The following ARHGAP24 variants were observed in gnomAD, a reference collection of about 807,000 sequenced individuals.
ARHGAP24 encodes the protein Rho GTPase activating protein 24.
ARHGAP24 carries 50 observed loss-of-function variants against 76.4 expected under a neutral mutation model. The observed-to-expected ratio is 0.65, with a 90% confidence interval of 0.52 to 0.83. ARHGAP24 has a LOEUF of 0.83. ARHGAP24 is among the 40% of genes least tolerant of loss of function. The probability of loss-of-function intolerance (pLI) is 0.00; values close to 1 mark genes in which losing one functional copy is unlikely to be tolerated. For missense variants in ARHGAP24, 930 were observed against 914.2 expected (o/e 1.02, Z -0.22); for synonymous variants, 345 against 323.3 (o/e 1.07, Z -0.72).
chr4:85,961,992 G>T (rs759743480), intron 5 of ARHGAP24, among the ~76,000 whole-genome samples: 1 of 152,076 alleles, frequency 6.6e-6, no homozygotes, highest in African/African-American at 2.4e-5. Context: ...AAACATGTAG[G>T]CAGGCAGAAT....
chr4:85,487,766 T>TAATATATATTTATTATATATTATATA (rs1297479229), intron 1 of ARHGAP24, among the ~76,000 whole-genome samples: 3 of 105,878 alleles, frequency 2.8e-5, no homozygotes, highest in South Asian at 4.9e-4. Flanking sequence ...ATATATTATA[T>TAATATATATTTATTATATATTATATA]AATATATATT....
chr4:85,691,068 A>G (rs1723636712), intron 2 of ARHGAP24, among the ~76,000 whole-genome samples: 2 of 152,006 alleles, frequency 1.3e-5, no homozygotes, highest in Non-Finnish European at 2.9e-5. Flanking sequence ...AGCTTCAAAT[A>G]ATTTTTTGAT....
intron 2 of ARHGAP24, among the ~76,000 whole-genome samples, chr4:85,656,210 A>T (rs937633762): frequency 6.6e-6 from 1 of 152,194 alleles, no homozygotes; most frequent in Non-Finnish European, 1.5e-5. Context: ...AAATGTATTT[A>T]AAAACACTGG....
chr4:85,610,429 G>A (rs912671415), intron 2 of ARHGAP24, among the ~76,000 whole-genome samples: 4 of 109,622 alleles, frequency 3.6e-5, no homozygotes, highest in Non-Finnish European at 5.0e-5. Flanking sequence ...GGGCCACAGA[G>A]TGAGGAGTGA....
chr4:85,607,391 GGA>G (rs1488706657), intron 2 of ARHGAP24, among the ~76,000 whole-genome samples: 2 of 151,516 alleles, frequency 1.3e-5, no homozygotes, highest in Non-Finnish European at 2.9e-5. Flanking sequence ...AGGGAGGAAG[GGA>G]GAGAGAGAAA....
chr4:85,725,081 A>C (rs182683927), intron 3 of ARHGAP24, among the ~76,000 whole-genome samples: 231 of 152,344 alleles, frequency 1.5e-3, no homozygotes, highest in Middle Eastern at 3.4e-3. Context: ...TGTTTTAAAA[A>C]AATAAAGAGT....
rs185532872 is a variant in ARHGAP24, at chr4:85,748,344, A to G, written c.268+26372A>G. On this transcript the variant is annotated intron_variant, in intron 3 of 9. Coordinates refer to ENST00000395184, the MANE Select transcript of ARHGAP24 (RefSeq NM_001025616.3). The stretch of plus-strand genomic sequence containing the variant: ...TAACTCCCTTTCTCATACATATGCC[A>G]TGCTGGGGTTAAGAAAATATTCTGA... Among the ~76,000 whole-genome samples, 169 of 152,378 alleles carry G rather than the reference A, an allele frequency of 1.1e-3. 1 individual carries two copies. Among genetic ancestry groups the G allele is most frequent in the African/African-American group, 4.0e-3 (165 of 41,588 alleles).
At chr4:85,912,637 T>C (rs529706787) in intron 3 of ARHGAP24, among the ~76,000 whole-genome samples, 16 of 152,232 alleles carry the variant, frequency 1.1e-4, no homozygotes, top group Non-Finnish European at 2.2e-4. Context: ...TAAAATTGGG[T>C]AATTAGCATC....
chr4:85,998,404 T>C (rs1447649561), intron 9 of ARHGAP24, among the ~76,000 whole-genome samples: 1 of 152,134 alleles, frequency 6.6e-6, no homozygotes, highest in African/African-American at 2.4e-5. Flanking sequence ...CCATCTTCCT[T>C]TGATTAGTAA....
chr4:85,921,915 CCCA>C (rs1320032706), intron 3 of ARHGAP24, among the ~76,000 whole-genome samples: 1 of 152,080 alleles, frequency 6.6e-6, no homozygotes, highest in Non-Finnish European at 1.5e-5. Flanking sequence ...ACCATCCCCC[CCCA>C]CCACCCCATT....
chr4:85,930,013 C>A (rs560326211), intron 4 of ARHGAP24, among the ~76,000 whole-genome samples: 1 of 152,176 alleles, frequency 6.6e-6, no homozygotes, highest in East Asian at 1.9e-4. Flanking sequence ...TGTACCGTAG[C>A]GTGGCATTCT....
intron 3 of ARHGAP24, among the ~76,000 whole-genome samples, chr4:85,760,136 A>G (rs867733720): frequency 6.6e-6 from 1 of 152,248 alleles, no homozygotes; most frequent in South Asian, 2.1e-4. Flanking sequence ...TAAACAACAC[A>G]AAGTTATTTC....
intron 6 of ARHGAP24, among the ~76,000 whole-genome samples, chr4:85,974,504 A>C (rs750497633): frequency 3.9e-5 from 6 of 152,208 alleles, no homozygotes; most frequent in Non-Finnish European, 8.8e-5. Flanking sequence ...GACTTTTGTC[A>C]GTAGATGTAT....
intron 3 of ARHGAP24, among the ~76,000 whole-genome samples, chr4:85,779,429 T>A (rs746698455): frequency 6.6e-6 from 1 of 152,196 alleles, no homozygotes; most frequent in Non-Finnish European, 1.5e-5. Context: ...CTAGGCACTT[T>A]AACTGATTCA....
chr4:85,894,098 AT>A (rs1324821531), intron 3 of ARHGAP24, among the ~76,000 whole-genome samples: 40 of 110,616 alleles, frequency 3.6e-4, no homozygotes, highest in African/African-American at 8.7e-4. Context: ...TTAGAGTATA[AT>A]AAAAAAAAAA....
chr4:85,699,462 TGTG>T (rs1430846412), intron 2 of ARHGAP24, among the ~76,000 whole-genome samples: 3 of 152,040 alleles, frequency 2.0e-5, no homozygotes, highest in Non-Finnish European at 2.9e-5. Context: ...GTTAGCCAGA[TGTG>T]GTGGTGCCTG....
intron 2 of ARHGAP24, among the ~76,000 whole-genome samples, chr4:85,584,206 T>C (rs1428917187): frequency 6.6e-6 from 1 of 152,112 alleles, no homozygotes; most frequent in Non-Finnish European, 1.5e-5. Flanking sequence ...TGTCCAACAA[T>C]GATAGACTGG....
At chr4:85,515,548 A>G (rs1724465805) in intron 1 of ARHGAP24, among the ~76,000 whole-genome samples, 1 of 151,746 alleles carries the variant, frequency 6.6e-6, no homozygotes, top group African/African-American at 2.4e-5. Context: ...TGTTATACAC[A>G]CTCAGCTGTC....
intron 5 of ARHGAP24, among the ~76,000 whole-genome samples, chr4:85,954,333 C>T (rs535834085): frequency 1.1e-3 from 163 of 152,242 alleles, no homozygotes; most frequent in Middle Eastern, 3.4e-3. Context: ...TCTAAGATTA[C>T]TCTGTTTATT....
Sources: allele counts gnomAD v4.1 joint callset (sites outside exome capture counted in the v4.1 genomes callset), GRCh38; gene constraint gnomAD v4.1.1; transcripts MANE v1.5; gene names NCBI Gene and HGNC (gene_info 2026-07-23, HGNC 2026-07-21).